LRMDA: variants seen among roughly 807,000 people sequenced by gnomAD.
LRMDA encodes leucine rich melanocyte differentiation associated.
LRMDA carries 18 observed loss-of-function variants against 29.8 expected under a neutral mutation model. The ratio of observed to expected loss-of-function variants is 0.60; its 90% CI spans 0.42 to 0.90. The LOEUF is 0.90. Ranked by LOEUF, LRMDA falls within the 40% of genes least tolerant of loss-of-function variation. LRMDA has a pLI of 0.00. For missense variants in LRMDA, 273 were observed against 273.9 expected (o/e 1.00, Z 0.02); for synonymous variants, 125 against 109.4 (o/e 1.14, Z -0.89).
chr10:76,239,815 C>T (rs1425187464), intron 5 of LRMDA, among the ~76,000 whole-genome samples: 1 of 151,792 alleles, frequency 6.6e-6, no homozygotes, highest in Non-Finnish European at 1.5e-5. Context: ...TATTGCATTA[C>T]CTCCTGAGAT....
chr10:76,425,858 T>A (rs1213172682), intron 6 of LRMDA, among the ~76,000 whole-genome samples: 1 of 151,894 alleles, frequency 6.6e-6, no homozygotes, highest in Admixed American at 6.6e-5. Context: ...CAGTGTTTGG[T>A]TTTTTGTCCT....
At chr10:76,389,383 G>A (rs1287386784) in intron 6 of LRMDA, among the ~76,000 whole-genome samples, 1 of 152,162 alleles carries the variant, frequency 6.6e-6, no homozygotes, top group African/African-American at 2.4e-5. Flanking sequence ...GAGATCACCA[G>A]GATGGTGATG....
chr10:76,383,421 T>C (rs1413371623), intron 6 of LRMDA, among the ~76,000 whole-genome samples: 26 of 71,020 alleles, frequency 3.7e-4, no homozygotes, highest in African/African-American at 1.1e-3. Context: ...TTTTCTTTTT[T>C]TTTTTTTTTT....
intron 5 of LRMDA, among the ~76,000 whole-genome samples, chr10:76,075,484 T>A (rs1848941955): frequency 6.6e-6 from 1 of 152,196 alleles, no homozygotes; most frequent in African/African-American, 2.4e-5. Flanking sequence ...GGTCTGTTAT[T>A]TAAGCCACCC....
chr10:76,023,498 G>A (rs1848011904), intron 2 of LRMDA, among the ~76,000 whole-genome samples: 2 of 152,116 alleles, frequency 1.3e-5, no homozygotes, highest in South Asian at 2.1e-4. Context: ...TTACTGAATG[G>A]TGGAACAATT....
intron 2 of LRMDA, among the ~76,000 whole-genome samples, chr10:75,760,942 A>G (rs1003686345): frequency 6.6e-6 from 1 of 152,212 alleles, no homozygotes; most frequent in African/African-American, 2.4e-5. Context: ...CCTGCCTTCA[A>G]CAAGAGAATG....
intron 5 of LRMDA, among the ~76,000 whole-genome samples, chr10:76,099,495 A>T (rs1329741403): frequency 2.8e-5 from 4 of 144,354 alleles, no homozygotes; most frequent in Non-Finnish European, 6.1e-5. Context: ...TTCTTAAGGT[A>T]GAAACCTAGA....
At chr10:75,840,000 G>A (rs549836129) in intron 2 of LRMDA, among the ~76,000 whole-genome samples, 2 of 152,232 alleles carry the variant, frequency 1.3e-5, no homozygotes, top group African/African-American at 4.8e-5. Flanking sequence ...AAGCCACCAC[G>A]CCTGGCCGCA....
At chr10:75,565,944 A>G (rs866720465) in intron 2 of LRMDA, among the ~76,000 whole-genome samples, 3 of 152,102 alleles carry the variant, frequency 2.0e-5, no homozygotes, top group African/African-American at 4.8e-5. Flanking sequence ...GTATGGTTGT[A>G]TGTGTCTGTG....
At chr10:76,178,445 G>A (rs1564676251) in intron 5 of LRMDA, among the ~76,000 whole-genome samples, 2 of 152,160 alleles carry the variant, frequency 1.3e-5, no homozygotes, top group Admixed American at 6.5e-5. Context: ...TGCAGCATAA[G>A]TCCTTAGAAA....
At chr10:75,636,872 G>A (rs907997866) in intron 2 of LRMDA, among the ~76,000 whole-genome samples, 15 of 151,730 alleles carry the variant, frequency 9.9e-5, no homozygotes, top group African/African-American at 3.6e-4. Flanking sequence ...TGTTTATTGG[G>A]TATCCATCAC....
At chr10:76,095,630 A>G (rs1849300664) in intron 5 of LRMDA, among the ~76,000 whole-genome samples, 1 of 152,230 alleles carries the variant, frequency 6.6e-6, no homozygotes, top group Non-Finnish European at 1.5e-5. Context: ...TGAATGTTCC[A>G]GTTCTACTCA....
chr10:76,139,564 C>T (rs79505453), intron 5 of LRMDA, among the ~76,000 whole-genome samples: 185 of 152,278 alleles, frequency 1.2e-3, no homozygotes, highest in African/African-American at 4.4e-3. Flanking sequence ...ATGTTGCCAT[C>T]TAACTGTTTT....
At chr10:76,396,633 A>T (rs1344749400) in intron 6 of LRMDA, 1 of 152,216 alleles carries the variant, frequency 6.6e-6, no homozygotes, top group Admixed American at 6.5e-5. Context: ...GATGCCGATG[A>T]TCCAGTGGGT....
chr10:76,250,150 G>A (rs1028545336), intron 5 of LRMDA, among the ~76,000 whole-genome samples: 2 of 152,182 alleles, frequency 1.3e-5, no homozygotes, highest in Admixed American at 6.5e-5. Context: ...TCATGACTAA[G>A]GTTCTCATTG....
chr10:76,213,520 C>T (rs1322692754), intron 5 of LRMDA, among the ~76,000 whole-genome samples: 1 of 152,198 alleles, frequency 6.6e-6, no homozygotes, highest in Admixed American at 6.5e-5. Flanking sequence ...AATTAGCTTT[C>T]ATTTCCTAAG....
intron 6 of LRMDA, among the ~76,000 whole-genome samples, chr10:76,394,319 G>T (rs188174525): frequency 6.6e-6 from 1 of 152,164 alleles, no homozygotes; most frequent in Non-Finnish European, 1.5e-5. Context: ...AATCAAGTAC[G>T]TGGGAGGTAA....
At chr10:75,976,078 C>G (rs1052672135) in intron 2 of LRMDA, among the ~76,000 whole-genome samples, 3 of 152,248 alleles carry the variant, frequency 2.0e-5, no homozygotes, top group African/African-American at 7.2e-5. Context: ...TTCCCTCCAG[C>G]AGTTACCTGT....
At chr10:76,349,104 A>T in intron 6 of LRMDA, among the ~76,000 whole-genome samples, 1 of 152,202 alleles carries the variant, frequency 6.6e-6, no homozygotes, top group East Asian at 1.9e-4. Flanking sequence ...CATTGTGAGG[A>T]TCAGCATTTG....
Sources: allele counts gnomAD v4.1 joint callset (sites outside exome capture counted in the v4.1 genomes callset), GRCh38; gene constraint gnomAD v4.1.1; transcripts MANE v1.5; gene names NCBI Gene and HGNC (gene_info 2026-07-23, HGNC 2026-07-21).